The following CC2D2B variants were observed in gnomAD, a reference collection of about 807,000 sequenced individuals.
The protein encoded by CC2D2B is protein CC2D2B.
In CC2D2B, 128 loss-of-function variants were observed where a neutral mutation model predicts 161.2. That is an observed-to-expected ratio of 0.79 (90% CI 0.69 to 0.92). CC2D2B has a LOEUF of 0.92. CC2D2B is among the 40% of genes least tolerant of loss of function. CC2D2B has a pLI of 0.00. For synonymous variants in CC2D2B, 391 were observed against 449.8 expected (o/e 0.87, Z 1.65); for missense variants, 1,173 against 1,375.1 (o/e 0.85, Z 2.32).
chr10:95,941,730 T>C (rs1347016120), intron 9 of CC2D2B, among the ~76,000 whole-genome samples: 1 of 152,150 alleles, frequency 6.6e-6, no homozygotes, highest in Non-Finnish European at 1.5e-5. Flanking sequence ...TTAGAACCCT[T>C]GTACACTGTT....
At chr10:95,915,040 C>A (rs529991319) in intron 2 of CC2D2B, among the ~76,000 whole-genome samples, 1 of 152,290 alleles carries the variant, frequency 6.6e-6, no homozygotes, top group East Asian at 1.9e-4. Context: ...CTCTTCCAAT[C>A]TATGAACATG....
intron 6 of CC2D2B, 41 bp from the exon 7 acceptor site, chr10:95,937,950 G>A: frequency 8.5e-7 from 1 of 1,174,812 alleles, no homozygotes; most frequent in South Asian, 1.4e-5. Flanking sequence ...AATCATTGGA[G>A]ACAAGCATGT....
At chr10:96,015,475 T>G (rs1221469154) in intron 29 of CC2D2B, among the ~76,000 whole-genome samples, 3 of 151,338 alleles carry the variant, frequency 2.0e-5, no homozygotes, top group Non-Finnish European at 2.9e-5. Flanking sequence ...TTTTGTTTTT[T>G]TTTTCAACAA....
At chr10:95,968,605 A>G (rs913512352) in intron 14 of CC2D2B, 119 bp from the exon 15 acceptor site, 10 of 415,266 alleles carry the variant, frequency 2.4e-5, no homozygotes, top group Non-Finnish European at 4.1e-5. Flanking sequence ...TGATGTAAAG[A>G]TAACATTTGT....
At chr10:96,019,045 G>A in intron 30 of CC2D2B, 158 bp from the exon 31 acceptor site, 1 of 556,330 alleles carries the variant, frequency 1.8e-6, no homozygotes, top group Non-Finnish European at 3.0e-6. Flanking sequence ...GGGCTCAAGT[G>A]ATCCTCCCAC....
At chr10:96,010,456 A>G (rs1021310046) in intron 26 of CC2D2B, among the ~76,000 whole-genome samples, 1 of 152,216 alleles carries the variant, frequency 6.6e-6, no homozygotes, top group African/African-American at 2.4e-5. Context: ...TCTCGACGCC[A>G]TGCCAGACAC....
At chr10:95,926,971 T>C (rs1460110527) in intron 5 of CC2D2B, among the ~76,000 whole-genome samples, 3 of 152,012 alleles carry the variant, frequency 2.0e-5, no homozygotes, top group East Asian at 1.9e-4. Flanking sequence ...CAGACTATAG[T>C]GAGGAGATAG....
At chr10:95,927,073 A>G (rs974020848) in intron 5 of CC2D2B, among the ~76,000 whole-genome samples, 164 bp from the exon 6 acceptor site, 1 of 152,166 alleles carries the variant, frequency 6.6e-6, no homozygotes, top group African/African-American at 2.4e-5. Context: ...AAAACTCATG[A>G]ACCAAACAGA....
chr10:96,017,394 C>A (rs1395261084), intron 30 of CC2D2B, among the ~76,000 whole-genome samples: 1 of 152,146 alleles, frequency 6.6e-6, no homozygotes, highest in African/African-American at 2.4e-5. Flanking sequence ...GTAAGTGCCA[C>A]TAGATGGCAG....
At position 95,988,286 on chromosome 10, in the gene CC2D2B, T is replaced by A; in HGVS notation, c.2323T>A (p.Ser775Thr). 1 of 1,227,894 alleles carries A rather than the reference T, an allele frequency of 8.1e-7. No individual in the cohort carries two copies. Among genetic ancestry groups the A allele is most frequent in the Non-Finnish European group, 1.0e-6 (1 of 982,432 alleles). The allele number at this position is 1,227,894 out of a possible 1,614,324, so 76.1% of individuals were successfully genotyped here. A position where few individuals can be genotyped will look rare whatever the true frequency, so the allele number is the denominator to read the frequency against. The part of the protein sequence containing the change: ...ESQKEKEVSV[S>T]DVNSITAQRI... ...TCAGAAAGAGAAGGAGGTATCCGTT[T>A]CAGATGTAAATTCTATTACAGCACA... The change falls in exon 20 of 35, where the codon TCA becomes ACA. Residue 775 changes from serine (S) to threonine (T), a missense_variant. Ser to Thr is a moderately conservative substitution (Grantham distance 58). Transcript: ENST00000646931.
Position 96,031,848 on chromosome 10 carries a change from A to G in CC2D2B, c.4154A>G (p.Tyr1385Cys), listed in dbSNP as rs747554029. The G allele has an allele frequency of 1.2e-6, 2 of 1,613,724 alleles. No individual in the cohort carries two copies. Among genetic ancestry groups the G allele is most frequent in the African/African-American group, 1.3e-5 (1 of 75,024 alleles). ...ACGGGATTTCCCATCCAGATGCCAT[A>G]CATTGATGTACAGTCAATTATTGAT... ...WVTGFPIQMPYIDVQSIIDAV... is the reference protein window; with the variant it reads ...WVTGFPIQMPCIDVQSIIDAV... The change falls in exon 35 of 35, where the codon TAC becomes TGC. Residue 1385 changes from tyrosine (Y) to cysteine (C), a missense_variant. Physicochemically the swap from Tyr to Cys is radical, Grantham distance 194 (BLOSUM62 -2). This residue lies in a region of CC2D2B where 598 missense variants were observed against 693.2 expected (regional missense o/e 0.86). Coordinates refer to ENST00000646931, the MANE Select transcript of CC2D2B (RefSeq NM_001349008.3).
At chr10:96,026,862 C>A (rs532770041) in intron 33 of CC2D2B, among the ~76,000 whole-genome samples, 1 of 152,296 alleles carries the variant, frequency 6.6e-6, no homozygotes, top group East Asian at 1.9e-4. Context: ...GTGGCTTACA[C>A]CTGTAATCCC....
At chr10:96,011,606 G>A (rs1318854772) in intron 26 of CC2D2B, among the ~76,000 whole-genome samples, 1 of 151,974 alleles carries the variant, frequency 6.6e-6, no homozygotes, top group East Asian at 1.9e-4. Context: ...GAATGCAGTG[G>A]GACAATCATG....
intron 9 of CC2D2B, among the ~76,000 whole-genome samples, chr10:95,947,099 ATATATATATATATATTTTTTTTTTTTT>A (rs1455349672): frequency 4.1e-4 from 14 of 34,376 alleles, no homozygotes; most frequent in Non-Finnish European, 4.7e-4. Context: ...ATATATATAT[ATATATATATATATATTTTTTTTTTTTT>A]TTTTGAGACA....
chr10:95,915,688 G>A (rs2098514885), intron 2 of CC2D2B, among the ~76,000 whole-genome samples: 1 of 152,026 alleles, frequency 6.6e-6, no homozygotes, highest in African/African-American at 2.4e-5. Flanking sequence ...CATTCTGTTG[G>A]TATGATGTAT....
intron 9 of CC2D2B, among the ~76,000 whole-genome samples, chr10:95,944,714 C>T (rs2076138100): frequency 6.6e-6 from 1 of 152,024 alleles, no homozygotes. Context: ...ATCTAGAATC[C>T]CAAGTTGGAA....
At chr10:96,003,021 A>AATATATATATATATATATATATATAT (rs57187442) in intron 24 of CC2D2B, among the ~76,000 whole-genome samples, 46 of 140,656 alleles carry the variant, frequency 3.3e-4, no homozygotes, top group African/African-American at 5.2e-4. Context: ...AAAATAAATA[A>AATATATATATATATATATATATATAT]ATATATATAT....
intron 25 of CC2D2B, among the ~76,000 whole-genome samples, chr10:96,004,449 CAGG>C (rs2078661189): frequency 6.6e-6 from 1 of 152,112 alleles, no homozygotes; most frequent in African/African-American, 2.4e-5. Context: ...AAACCACATA[CAGG>C]AGGAGGAGGA....
chr10:95,934,479 G>A (rs1413502580), intron 6 of CC2D2B, among the ~76,000 whole-genome samples: 3 of 151,926 alleles, frequency 2.0e-5, no homozygotes, highest in Non-Finnish European at 4.4e-5. Flanking sequence ...ACCTCTTGAA[G>A]CTACCTCAGT....
Sources: gnomAD v4.1 joint callset for allele counts (sites outside exome capture counted in the v4.1 genomes callset) on GRCh38, gnomAD v4.1.1 for gene constraint, gnomAD v4.1.1 regional missense constraint, MANE v1.5 for transcripts, NCBI Gene and HGNC (gene_info 2026-07-23, HGNC 2026-07-21) for gene names.